HDAC9: variants seen among roughly 807,000 people sequenced by gnomAD.
HDAC9 encodes histone deacetylase 9.
A neutral mutation model predicts 139.4 loss-of-function variants in HDAC9; 41 were observed. That is an observed-to-expected ratio of 0.29 (90% CI 0.23 to 0.38). The LOEUF (loss-of-function observed/expected upper bound fraction) is 0.38, where lower values mean the gene tolerates loss of function less well. HDAC9 is among the 10% of genes least tolerant of loss of function. HDAC9 has a pLI of 1.00. For synonymous variants in HDAC9, 517 were observed against 476.2 expected, an observed-to-expected ratio of 1.09 and a Z score of -1.12; for missense variants, 1,147 against 1,297.0, an observed-to-expected ratio of 0.88 and a Z score of 1.78.
At chr7:18,949,472 G>A (rs956539034) in intron 23 of HDAC9, 7 of 218,836 alleles carry the variant, frequency 3.2e-5, no homozygotes, top group African/African-American at 1.6e-4. Context: ...AAGACCATAG[G>A]TGGTGGTATT....
intron 1 of HDAC9, among the ~76,000 whole-genome samples, chr7:18,147,283 A>T (rs1761016552): frequency 6.6e-6 from 1 of 152,234 alleles, no homozygotes. Flanking sequence ...TTGCAGACTT[A>T]AGATGAAATT....
At chr7:18,875,402 A>G (rs1799245646) in intron 22 of HDAC9, among the ~76,000 whole-genome samples, 1 of 152,202 alleles carries the variant, frequency 6.6e-6, no homozygotes, top group Non-Finnish European at 1.5e-5. Flanking sequence ...AAAGCAGACA[A>G]CAACAAAAAA....
intron 1 of HDAC9, among the ~76,000 whole-genome samples, chr7:18,487,849 T>G (rs1392018263): frequency 6.6e-6 from 1 of 152,030 alleles, no homozygotes; most frequent in Non-Finnish European, 1.5e-5. Context: ...TAGCAAGAAA[T>G]GATGTAAAAA....
intron 2 of HDAC9, among the ~76,000 whole-genome samples, chr7:18,227,576 G>A (rs905872956): frequency 2.0e-5 from 3 of 152,002 alleles, no homozygotes; most frequent in Non-Finnish European, 2.9e-5. Context: ...ACATTCTTAG[G>A]TGCAGATAAA....
intron 1 of HDAC9, among the ~76,000 whole-genome samples, chr7:18,149,638 C>T (rs1424460167): frequency 1.3e-5 from 2 of 152,086 alleles, no homozygotes; most frequent in East Asian, 3.9e-4. Flanking sequence ...GCAGGCTTCG[C>T]CTCCCGGGTT....
At chr7:18,392,399 G>GGATA (rs58794891) in intron 1 of HDAC9, among the ~76,000 whole-genome samples, 14,681 of 146,756 alleles carry the variant, frequency 0.1, 851 homozygotes, top group African/African-American at 0.17. Flanking sequence ...ATAGATAGAT[G>GGATA]GATAGATAGA....
At chr7:18,093,124 A>G (rs1435407429) in intron 1 of HDAC9, among the ~76,000 whole-genome samples, 1 of 152,210 alleles carries the variant, frequency 6.6e-6, no homozygotes, top group Non-Finnish European at 1.5e-5. Context: ...TGCTCTAAGC[A>G]CTTTGCCAGA....
intron 1 of HDAC9, among the ~76,000 whole-genome samples, chr7:18,369,267 G>A (rs539042279): frequency 6.6e-6 from 1 of 151,912 alleles, no homozygotes; most frequent in Non-Finnish European, 1.5e-5. Context: ...GAATTCGTAT[G>A]GAAATAATTG....
chr7:18,375,891 T>C (rs1298830810), intron 1 of HDAC9, among the ~76,000 whole-genome samples: 1 of 152,190 alleles, frequency 6.6e-6, no homozygotes, highest in Non-Finnish European at 1.5e-5. Flanking sequence ...CAGATGTCAT[T>C]TTTTTCAAAG....
chr7:18,872,564 C>T (rs1232437572), intron 21 of HDAC9, among the ~76,000 whole-genome samples: 1 of 152,068 alleles, frequency 6.6e-6, no homozygotes, highest in African/African-American at 2.4e-5. Flanking sequence ...GTATTTTCTG[C>T]TTTTTCAGTT....
chr7:18,438,421 A>G (rs190161705), intron 1 of HDAC9, among the ~76,000 whole-genome samples: 2 of 152,278 alleles, frequency 1.3e-5, no homozygotes, highest in Admixed American at 6.5e-5. Context: ...TTTAAATATA[A>G]CACTTTGCCA....
intron 5 of HDAC9, among the ~76,000 whole-genome samples, chr7:18,592,641 A>G (rs17139401): frequency 0.029 from 4,398 of 152,164 alleles, 139 homozygotes; most frequent in African/African-American, 0.085. Flanking sequence ...AGGCTATTTT[A>G]TAGGTATCCG....
At chr7:18,956,496 A>T (rs1044907269) in intron 24 of HDAC9, among the ~76,000 whole-genome samples, 18 of 152,122 alleles carry the variant, frequency 1.2e-4, no homozygotes, top group African/African-American at 4.1e-4. Flanking sequence ...GGCCATTAAA[A>T]GCAGGCAGAT....
chr7:18,146,370 C>T (rs1786327301), intron 1 of HDAC9, among the ~76,000 whole-genome samples: 1 of 152,136 alleles, frequency 6.6e-6, no homozygotes, highest in Admixed American at 6.6e-5. Flanking sequence ...TCAATACTCA[C>T]AGTGGTTGAT....
chr7:18,401,232 A>C (rs1370546987), intron 1 of HDAC9, among the ~76,000 whole-genome samples: 1 of 152,202 alleles, frequency 6.6e-6, no homozygotes, highest in South Asian at 2.1e-4. Context: ...AAACAGCTTG[A>C]TAGTCACTTC....
At chr7:18,203,368 T>G (rs1007859941) in intron 2 of HDAC9, among the ~76,000 whole-genome samples, 2 of 152,218 alleles carry the variant, frequency 1.3e-5, no homozygotes, top group African/African-American at 4.8e-5. Flanking sequence ...TTAAATTATT[T>G]TGTGCAGTTT....
intron 6 of HDAC9, among the ~76,000 whole-genome samples, chr7:18,603,999 G>C (rs1221208482): frequency 6.6e-6 from 1 of 151,836 alleles, no homozygotes; most frequent in African/African-American, 2.4e-5. Context: ...TATCCTTGTT[G>C]CTCTATAGAT....
chr7:18,272,284 T>G (rs1796401667), intron 2 of HDAC9, among the ~76,000 whole-genome samples: 1 of 152,188 alleles, frequency 6.6e-6, no homozygotes, highest in African/African-American at 2.4e-5. Flanking sequence ...GCCTCCTGAA[T>G]GTATTTAGAC....
intron 1 of HDAC9, among the ~76,000 whole-genome samples, chr7:18,432,844 G>C (rs768745761): frequency 6.6e-6 from 1 of 151,946 alleles, no homozygotes; most frequent in Non-Finnish European, 1.5e-5. Flanking sequence ...CCAGCTACTC[G>C]GGAGGCTGAG....
Sources: allele counts gnomAD v4.1 joint callset (sites outside exome capture counted in the v4.1 genomes callset), GRCh38; gene constraint gnomAD v4.1.1; transcripts MANE v1.5; gene names NCBI Gene and HGNC (gene_info 2026-07-23, HGNC 2026-07-21).